Variants in FMO1 observed in about 807,000 individuals in gnomAD.
The protein encoded by FMO1 is flavin containing dimethylaniline monoxygenase 1.
Under a neutral mutation model 45.4 loss-of-function variants are expected in FMO1, and 36 were observed. That is an observed-to-expected ratio of 0.79 (90% CI 0.61 to 1.05). FMO1 has a LOEUF of 1.05. Ranked by LOEUF, FMO1 falls within the 50% of genes least tolerant of loss-of-function variation. FMO1 has a pLI of 0.00. For missense variants in FMO1, 615 were observed against 640.3 expected (o/e 0.96, Z 0.43); for synonymous variants, 228 against 227.2 (o/e 1.00, Z -0.03).
intron 1 of FMO1, among the ~76,000 whole-genome samples, chr1:171,255,784 T>C (rs1388581740): frequency 6.6e-6 from 1 of 152,194 alleles, no homozygotes; most frequent in African/African-American, 2.4e-5. Flanking sequence ...AAGAACCTGC[T>C]TTCTTTCCTG....
chr1:171,266,206 C>T (rs907469650), intron 2 of FMO1, among the ~76,000 whole-genome samples: 3 of 152,138 alleles, frequency 2.0e-5, no homozygotes, highest in Admixed American at 1.3e-4. Context: ...ACAAGTTAGA[C>T]AAAAACAAGA....
At chr1:171,284,728 TAAAA>T (rs36009487) in intron 8 of FMO1, among the ~76,000 whole-genome samples, 1 of 106,860 alleles carries the variant, frequency 9.4e-6, no homozygotes, top group East Asian at 2.7e-4. Context: ...CAAGACCTTG[TAAAA>T]AAAAAAAAAA....
At chr1:171,278,921 C>T (rs1217652837) in intron 5 of FMO1, 50 bp downstream of exon 5, 3 of 1,465,682 alleles carry the variant, frequency 2.0e-6, no homozygotes, top group Non-Finnish European at 2.8e-6. Flanking sequence ...AGATGCATGC[C>T]TCAAGCAAAT....
chr1:171,281,038 T>C lies in FMO1; in HGVS notation c.827+53T>C, dbSNP rs1471430180. On this transcript the variant is annotated intron_variant, in intron 6 of 8. Transcript: ENST00000617670. ...TTTAGGAAGAAGGAGCCTCTGCCTG[T>C]CCAGCAGCCTATACAAGCCAGGCAG... The C allele has an allele frequency of 6.2e-6, 9 of 1,463,276 alleles. No homozygotes were observed. The East Asian group carries it at 2.0e-4, about 33-fold the overall frequency. 90.6% of individuals were successfully genotyped at this position (1,463,276 alleles called of 1,614,324 possible).
In FMO1 at chr1:171,273,968, C is replaced by T. The variant is rs1012090892; in HGVS notation, c.322-1378C>T. Reference sequence around the variant, plus strand: ...ATCAAGACCATCCTGGCTAACACGGCGAAACCCCATCTCTACTAAAAATAC... The same window carrying T: ...ATCAAGACCATCCTGGCTAACACGGTGAAACCCCATCTCTACTAAAAATAC... On this transcript the variant is annotated intron_variant, in intron 3 of 8. Transcript: ENST00000617670. Among the ~76,000 whole-genome samples the T allele has an allele frequency of 4.6e-5, 7 of 151,960 alleles. No homozygotes were observed. In the East Asian group the frequency reaches 5.8e-4, roughly 13 times the overall value.
Position 171,282,179 on chromosome 1 carries a change from G to T in FMO1, c.1029G>T (p.Val343=), listed in dbSNP as rs750477421. 4.6e-5 allele frequency: 74 copies of T among 1,613,912 alleles called. No individual in the cohort carries two copies. The highest frequency in any genetic ancestry group is 5.7e-5 in the Non-Finnish European group (67 of 1,179,926). Residue 343 remains valine, a synonymous_variant, in exon 7 of 9, where the codon GTG becomes GTT. Coordinates refer to ENST00000617670, the MANE Select transcript of FMO1 (RefSeq NM_001282693.2). ...TCCCCTTCCTTGATGAGTCTGTAGTGAAAGTTGAAGATGGCCAGGCCTCAC... is the reference window on the plus strand; with the variant it reads ...TCCCCTTCCTTGATGAGTCTGTAGTTAAAGTTGAAGATGGCCAGGCCTCAC... ...FAFPFLDESV[V]KVEDGQASLY... is the part of the protein sequence containing the mutation.
intron 1 of FMO1, among the ~76,000 whole-genome samples, 190 bp downstream of exon 1, chr1:171,248,813 T>G (rs1366180630): frequency 6.6e-6 from 1 of 151,572 alleles, no homozygotes; most frequent in Non-Finnish European, 1.5e-5. Flanking sequence ...TGGATACTTA[T>G]AATGGGACAA....
chr1:171,256,528 C>T (rs1660167877), intron 1 of FMO1, among the ~76,000 whole-genome samples: 4 of 151,942 alleles, frequency 2.6e-5, no homozygotes, highest in Admixed American at 1.3e-4. Flanking sequence ...TCCTTCAGGG[C>T]CTAAAACATG....
At chr1:171,284,316 C>G (rs1375971060) in intron 8 of FMO1, among the ~76,000 whole-genome samples, 2 of 152,112 alleles carry the variant, frequency 1.3e-5, no homozygotes, top group Non-Finnish European at 2.9e-5. Flanking sequence ...ACAATAATAG[C>G]ATTTTAGATG....
At position 171,280,711 on chromosome 1, in the gene FMO1, C is replaced by T; in HGVS notation, c.628-75C>T. On this transcript the variant is annotated intron_variant, in intron 5 of 8. Transcript: ENST00000617670. ...TTTCAGTGCCTTTCCATTCATGACACTTCTTGAATCTCTGGCAGAACCAGC... is the reference window on the plus strand; with the variant it reads ...TTTCAGTGCCTTTCCATTCATGACATTTCTTGAATCTCTGGCAGAACCAGC... The T allele has an allele frequency of 3.1e-6, 4 of 1,280,152 alleles. 1 individual carries two copies. In the South Asian group the frequency reaches 3.6e-5, roughly 12 times the overall value. The allele number at this position is 1,280,152 out of a possible 1,614,324, so 79.3% of individuals were successfully genotyped here.
chr1:171,263,733 G>A (rs1247850428), intron 2 of FMO1, among the ~76,000 whole-genome samples: 6 of 152,122 alleles, frequency 3.9e-5, no homozygotes, highest in Admixed American at 6.5e-5. Flanking sequence ...TTCCACACTC[G>A]GAGTTCAAGG....
At chr1:171,274,320 A>T (rs1661008428) in intron 3 of FMO1, among the ~76,000 whole-genome samples, 1 of 150,960 alleles carries the variant, frequency 6.6e-6, no homozygotes, top group Non-Finnish European at 1.5e-5. Flanking sequence ...GAGTGCAATG[A>T]CACTATCATG....
intron 2 of FMO1, among the ~76,000 whole-genome samples, chr1:171,261,530 T>C (rs1660377823): frequency 6.6e-6 from 1 of 152,150 alleles, no homozygotes; most frequent in Admixed American, 6.5e-5. Context: ...ATAAAACACA[T>C]GTGGTGACAG....
At chr1:171,282,998 C>G (rs887760722) in intron 7 of FMO1, 146 bp from the exon 8 acceptor site, 1 of 599,844 alleles carries the variant, frequency 1.7e-6, no homozygotes. Flanking sequence ...CCAGTCAGCT[C>G]AGGCTGCTAA....
At chr1:171,259,091 T>C (rs1249187658) in intron 2 of FMO1, among the ~76,000 whole-genome samples, 1 of 152,156 alleles carries the variant, frequency 6.6e-6, no homozygotes, top group Non-Finnish European at 1.5e-5. Context: ...GAGAAAGCTG[T>C]CAGAAAGAGT....
chr1:171,273,235 C>G (rs1026199641), intron 3 of FMO1, among the ~76,000 whole-genome samples: 7 of 152,180 alleles, frequency 4.6e-5, no homozygotes, highest in Non-Finnish European at 8.8e-5. Context: ...CTTCCCCAGC[C>G]ACATGGAACT....
In FMO1 at chr1:171,268,117, C is replaced by T. The variant is rs541238670; in HGVS notation, c.321+386C>T. ...TTTGTTTGTTTTTGAGACAGGGTCT[C>T]ACTTTGTTGCCCAGGCTGGAGTGCA... On this transcript the variant is annotated intron_variant, in intron 3 of 8. Transcript: ENST00000617670. 4.6e-5 allele frequency among the ~76,000 whole-genome samples: 7 copies of T among 152,258 alleles called. No homozygotes were observed. In the East Asian group the frequency reaches 1.2e-3, roughly 25 times the overall value.
In FMO1 at chr1:171,285,734, G is replaced by A. The variant is rs1360882104; in HGVS notation, c.*190G>A. 2 of 398,518 alleles carry A rather than the reference G, an allele frequency of 5.0e-6. No individual in the cohort carries two copies. The allele number at this position is 398,518 out of a possible 1,614,324, so 24.7% of individuals were successfully genotyped here. On this transcript the variant is annotated 3_prime_UTR_variant, in exon 9 of 9. Coordinates refer to ENST00000617670, the MANE Select transcript of FMO1 (RefSeq NM_001282693.2). ...TCTCCCAGCTCCACTTCTAATGCTA[G>A]AGAATGATAACTAAGACTTCTGTGC...
chr1:171,261,321 G>GCACACACACACACACACACACA (rs71561567), intron 2 of FMO1, among the ~76,000 whole-genome samples: 111 of 148,030 alleles, frequency 7.5e-4, no homozygotes, highest in African/African-American at 2.6e-3. Context: ...ACACACACAG[G>GCACACACACACACACACACACA]CACACACACA....
Sources: allele counts gnomAD v4.1 joint callset (sites outside exome capture counted in the v4.1 genomes callset), GRCh38; gene constraint gnomAD v4.1.1; transcripts MANE v1.5; gene names NCBI Gene and HGNC (gene_info 2026-07-23, HGNC 2026-07-21).